ARSG: variants seen among roughly 807,000 people sequenced by gnomAD.
ARSG encodes the protein ASG.
Under a neutral mutation model 50.5 loss-of-function variants are expected in ARSG, and 37 were observed. The ratio of observed to expected loss-of-function variants is 0.73; its 90% CI spans 0.56 to 0.96. The LOEUF (loss-of-function observed/expected upper bound fraction) is 0.96. ARSG is among the 50% of genes least tolerant of loss of function. The probability of loss-of-function intolerance (pLI) is 0.00; values close to 1 mark genes in which losing one functional copy is unlikely to be tolerated. For synonymous variants in ARSG, 225 were observed against 254.6 expected (o/e 0.88, Z 1.11); for missense variants, 629 against 675.3 (o/e 0.93, Z 0.76).
At chr17:68,370,619 C>A in intron 8 of ARSG, 95 bp downstream of exon 8, 1 of 1,129,784 alleles carries the variant, frequency 8.9e-7, no homozygotes, top group Non-Finnish European at 1.3e-6. Flanking sequence ...CAACTTATAT[C>A]TGGGCCTTAG....
chr17:68,371,353 G>GA (rs1360070380), intron 8 of ARSG, among the ~76,000 whole-genome samples: 1 of 150,610 alleles, frequency 6.6e-6, no homozygotes. Flanking sequence ...GAGAGGCTCA[G>GA]AGAGGGTAAG....
intron 1 of ARSG, among the ~76,000 whole-genome samples, chr17:68,265,156 GAAA>G (rs369928777): frequency 1.7e-3 from 126 of 73,672 alleles, no homozygotes; most frequent in African/African-American, 6.4e-3. Flanking sequence ...CTCCATCTCA[GAAA>G]AAAAAAAAAA....
At chr17:68,261,875 G>A (rs571720597) in intron 1 of ARSG, among the ~76,000 whole-genome samples, 15 of 152,252 alleles carry the variant, frequency 9.9e-5, no homozygotes, top group Admixed American at 8.5e-4. Flanking sequence ...AAGAGAGGCT[G>A]GGCGTGGTGG....
At chr17:68,352,201 G>C (rs1052801668) in intron 5 of ARSG, among the ~76,000 whole-genome samples, 2 of 150,942 alleles carry the variant, frequency 1.3e-5, no homozygotes, top group Admixed American at 1.3e-4. Flanking sequence ...CAGAGAGAGA[G>C]AGAACAGGAT....
the ARSG span, among the ~76,000 whole-genome samples, chr17:68,436,216 C>A: frequency 2.0e-5 from 3 of 152,208 alleles, no homozygotes; most frequent in African/African-American, 7.2e-5. Context: ...GGTTGACTCA[C>A]AGCAAGCCCG....
intron 6 of ARSG, among the ~76,000 whole-genome samples, chr17:68,366,182 G>A (rs765705624): frequency 2.6e-5 from 4 of 151,718 alleles, no homozygotes; most frequent in East Asian, 1.9e-4. Flanking sequence ...CAAATGATCC[G>A]CCTGCCTCGG....
chr17:68,403,305 C>T (rs2081560260), intron 11 of ARSG, among the ~76,000 whole-genome samples: 1 of 152,188 alleles, frequency 6.6e-6, no homozygotes, highest in Non-Finnish European at 1.5e-5. Flanking sequence ...ATGTTGGAAT[C>T]AGACATGTTA....
At chr17:68,350,667 C>A (rs2146361925) in intron 4 of ARSG, among the ~76,000 whole-genome samples, 1 of 152,234 alleles carries the variant, frequency 6.6e-6, no homozygotes. Flanking sequence ...TGCCTGTAGT[C>A]CCAGCTACTC....
downstream of ARSG, chr17:68,421,453 C>T (rs1019252260): frequency 4.5e-5 from 15 of 334,004 alleles, no homozygotes; most frequent in African/African-American, 6.2e-5. Context: ...ATTTTTTACA[C>T]GGCATATATT....
intron 9 of ARSG, among the ~76,000 whole-genome samples, chr17:68,391,160 G>A (rs2080975911): frequency 3.3e-5 from 5 of 152,126 alleles, no homozygotes. Context: ...GGTAGCCTTA[G>A]TAGGGTGGAT....
chr17:68,301,739 C>G (rs1416324319), intron 1 of ARSG, among the ~76,000 whole-genome samples: 1 of 152,164 alleles, frequency 6.6e-6, no homozygotes, highest in Non-Finnish European at 1.5e-5. Context: ...ACTCTAATCC[C>G]TGCCCTTCCT....
chr17:68,307,308 A>G lies in ARSG; in HGVS notation c.-186A>G, dbSNP rs1290335903. Reference sequence around the variant, plus strand: ...GATTCCAGATGGGGGCCTCATTTCTACAGCCCCCAACATTCCTATAGCCGT... The same window carrying G: ...GATTCCAGATGGGGGCCTCATTTCTGCAGCCCCCAACATTCCTATAGCCGT... On this transcript the variant is annotated 5_prime_UTR_variant, in exon 2 of 12. Transcript: ENST00000621439. 5.3e-6 allele frequency: 3 copies of G among 562,564 alleles called. No homozygotes were observed. The highest frequency in any genetic ancestry group is 2.9e-5 in the East Asian group (1 of 34,704). 34.8% of individuals were successfully genotyped at this position (562,564 alleles called of 1,614,324 possible).
In ARSG at chr17:68,381,961, C is replaced by CTTTTTTTT. The variant is rs71293553; in HGVS notation, c.983-3097_983-3090dup. Among the ~76,000 whole-genome samples the CTTTTTTTT allele has an allele frequency of 7.0e-6, 1 of 142,596 alleles. No individual in the cohort carries two copies. Among genetic ancestry groups the CTTTTTTTT allele is most frequent in the African/African-American group, 2.6e-5 (1 of 39,056 alleles). The allele number at this position is 142,596 out of a possible 152,430, so 93.5% of individuals were successfully genotyped here. ...TTGGCTCTATCATTTTCTTTCTTTC[C>CTTTTTTTT]TTTTTTTTTTTTTGACAGAGTCTCT... On this transcript the variant is annotated intron_variant, in intron 8 of 11. Transcript: ENST00000621439. This position sits in a 1 kb window ranked among gnomAD's most constrained non-coding sequence, Gnocchi z 4.1.
chr17:68,389,943 C>T (rs1380490828), intron 9 of ARSG, among the ~76,000 whole-genome samples: 1 of 151,972 alleles, frequency 6.6e-6, no homozygotes, highest in Non-Finnish European at 1.5e-5. Context: ...CTACCCCCCA[C>T]CTGCACACCT....
At chr17:68,416,705 C>T (rs141343234) in intron 11 of ARSG, among the ~76,000 whole-genome samples, 3,643 of 152,198 alleles carry the variant, frequency 0.024, 146 homozygotes, top group African/African-American at 0.083. Context: ...TGGGTTAAGT[C>T]AAAGACCTTG....
chr17:68,386,182 T>TG (rs1402406839), intron 9 of ARSG, among the ~76,000 whole-genome samples: 1 of 152,188 alleles, frequency 6.6e-6, no homozygotes, highest in Non-Finnish European at 1.5e-5. Context: ...TGACTTATCC[T>TG]GGGGACTTTT....
intron 11 of ARSG, among the ~76,000 whole-genome samples, chr17:68,408,767 C>T (rs1027917394): frequency 2.6e-5 from 4 of 151,232 alleles, no homozygotes; most frequent in Admixed American, 2.6e-4. Flanking sequence ...CCTATTTCTC[C>T]ACATCCTCTC....
intron 2 of ARSG, among the ~76,000 whole-genome samples, chr17:68,335,925 G>A (rs576681143): frequency 6.6e-6 from 1 of 152,304 alleles, no homozygotes; most frequent in Non-Finnish European, 1.5e-5. Flanking sequence ...TTGAGATGGA[G>A]TCTCACTCTG....
At chr17:68,262,457 C>T (rs1599466215) in intron 1 of ARSG, among the ~76,000 whole-genome samples, 1 of 149,658 alleles carries the variant, frequency 6.7e-6, no homozygotes, top group Admixed American at 6.8e-5. Flanking sequence ...GGCGACAGAG[C>T]GAGACTGCCC....
Sources: allele counts gnomAD v4.1 joint callset (sites outside exome capture counted in the v4.1 genomes callset), GRCh38; gene constraint gnomAD v4.1.1; non-coding constraint Gnocchi (gnomAD v3.1); transcripts MANE v1.5; gene names NCBI Gene and HGNC (gene_info 2026-07-23, HGNC 2026-07-21).